The following LRMDA variants were observed in gnomAD, a reference collection of about 807,000 sequenced individuals.
The protein encoded by LRMDA is leucine-rich melanocyte differentiation-associated protein.
A neutral mutation model predicts 29.8 loss-of-function variants in LRMDA; 18 were observed. The observed-to-expected ratio is 0.60, with a 90% CI of 0.42 to 0.90. The LOEUF is 0.90. Ranked by LOEUF, LRMDA falls within the 40% of genes least tolerant of loss-of-function variation. The pLI, the probability that LRMDA is intolerant of heterozygous loss-of-function variation, is 0.00. For synonymous variants in LRMDA, 125 were observed against 109.4 expected (o/e 1.14, Z -0.89); for missense variants, 273 against 273.9 (o/e 1.00, Z 0.02).
At chr10:75,949,506 T>C (rs1846536260) in intron 2 of LRMDA, among the ~76,000 whole-genome samples, 1 of 152,168 alleles carries the variant, frequency 6.6e-6, no homozygotes, top group African/African-American at 2.4e-5. Context: ...TCACGTGGTT[T>C]TCCTAGGCAC....
At chr10:76,189,498 C>T (rs986317624) in intron 5 of LRMDA, among the ~76,000 whole-genome samples, 2 of 152,150 alleles carry the variant, frequency 1.3e-5, no homozygotes, top group Non-Finnish European at 2.9e-5. Flanking sequence ...CACTGATTTT[C>T]ATGCAGTACT....
intron 2 of LRMDA, among the ~76,000 whole-genome samples, chr10:75,599,734 A>T (rs1564519297): frequency 6.6e-6 from 1 of 152,220 alleles, no homozygotes; most frequent in African/African-American, 2.4e-5. Flanking sequence ...GATATCGAGC[A>T]CTTCAAATGT....
At position 75,765,548 on chromosome 10, in the gene LRMDA, T is replaced by C. The variant is rs562642733; in HGVS notation, c.132-270460T>C. ...AAAACTATTGTAAATTCCAAAAAAT[T>C]GGTTTTGAATTTTTTCTAAGGCCTC... On this transcript the variant is annotated intron_variant, in intron 2 of 6. Transcript: ENST00000611255. Among the ~76,000 whole-genome samples the C allele has an allele frequency of 4.6e-5, 7 of 152,168 alleles. No homozygotes were observed. In the South Asian group the frequency reaches 1.0e-3, roughly 23 times the overall value.
intron 2 of LRMDA, among the ~76,000 whole-genome samples, chr10:75,672,583 T>TACCCTACCCTACCCTA (rs1334296370): frequency 2.4e-5 from 1 of 41,986 alleles, no homozygotes; most frequent in African/African-American, 1.9e-4. Flanking sequence ...TCCCTTCCCT[T>TACCCTACCCTACCCTA]CCCTGCTTTT....
chr10:75,962,860 T>C (rs1454581250), intron 2 of LRMDA, among the ~76,000 whole-genome samples: 1 of 152,208 alleles, frequency 6.6e-6, no homozygotes, highest in Admixed American at 6.5e-5. Flanking sequence ...CCCCTGTTTA[T>C]TTCTCTTTCC....
chr10:76,532,663 A>G (rs78005467), intron 6 of LRMDA, among the ~76,000 whole-genome samples: 2,315 of 152,286 alleles, frequency 0.015, 24 homozygotes, highest in African/African-American at 0.037. Flanking sequence ...GTCTTCTAAG[A>G]AGAAATGGCA....
At chr10:75,587,183 A>G (rs1297114741) in intron 2 of LRMDA, among the ~76,000 whole-genome samples, 3 of 152,202 alleles carry the variant, frequency 2.0e-5, no homozygotes, top group Non-Finnish European at 4.4e-5. Context: ...TATTTCATCT[A>G]TAATAAAATC....
At position 76,486,447 on chromosome 10, in the gene LRMDA, C is replaced by A. The variant is rs184103953; in HGVS notation, c.602-70762C>A. Among the ~76,000 whole-genome samples, 16 of 151,966 alleles carry A rather than the reference C, an allele frequency of 1.1e-4. No homozygotes were observed. In the East Asian group the frequency reaches 2.9e-3, roughly 28 times the overall value. ...TTTTGTTTTTTGGCTCTGTGCTGCA[C>A]GTACATAGGTCAAGTTTGATTCTGC... On this transcript the variant is annotated intron_variant, in intron 6 of 6. Coordinates refer to ENST00000611255, the MANE Select transcript of LRMDA (RefSeq NM_001305581.2).
At chr10:75,852,308 A>G (rs1290584747) in intron 2 of LRMDA, among the ~76,000 whole-genome samples, 4 of 152,236 alleles carry the variant, frequency 2.6e-5, no homozygotes, top group African/African-American at 7.2e-5. Flanking sequence ...TGTAATCTGC[A>G]TATATTAGGT....
In LRMDA at chr10:76,547,494, C is replaced by CATTTATTT. The variant is rs148952693; in HGVS notation, c.602-9698_602-9691dup. On this transcript the variant is annotated intron_variant, in intron 6 of 6. Transcript: ENST00000611255. ...ATGGCTCTCCCTGAATAGTTGCCGC[C>CATTTATTT]ATTTATTTATTTATTTATTTATTTT... Among the ~76,000 whole-genome samples, 859 of 151,986 alleles carry CATTTATTT rather than the reference C, an allele frequency of 5.7e-3. 2 individuals are homozygous for CATTTATTT. The highest frequency in any genetic ancestry group is 9.8e-3 in the Non-Finnish European group (667 of 67,974).
At chr10:76,422,100 G>A (rs1268149171) in intron 6 of LRMDA, among the ~76,000 whole-genome samples, 1 of 152,002 alleles carries the variant, frequency 6.6e-6, no homozygotes, top group African/African-American at 2.4e-5. Flanking sequence ...AGTCTGGGAT[G>A]TCTACCTGGA....
chr10:75,665,533 A>G (rs1392413430), intron 2 of LRMDA, among the ~76,000 whole-genome samples: 1 of 152,230 alleles, frequency 6.6e-6, no homozygotes, highest in Non-Finnish European at 1.5e-5. Context: ...AATAAAAAAA[A>G]TGCTTTCAGC....
intron 2 of LRMDA, among the ~76,000 whole-genome samples, chr10:75,985,635 C>T (rs1847250257): frequency 6.6e-6 from 1 of 152,230 alleles, no homozygotes. Flanking sequence ...ACCCACCAAC[C>T]TCAGCAGTCT....
chr10:75,782,814 C>T (rs1411213925), intron 2 of LRMDA: 32 of 1,452,692 alleles, frequency 2.2e-5, no homozygotes, highest in Non-Finnish European at 2.6e-5. Context: ...TGTTGAGAAC[C>T]TTTAGCCAGC....
At chr10:76,364,179 T>A (rs1841362042) in intron 6 of LRMDA, among the ~76,000 whole-genome samples, 1 of 152,170 alleles carries the variant, frequency 6.6e-6, no homozygotes, top group African/African-American at 2.4e-5. Context: ...GTAGTATACA[T>A]AAGGGCCTAG....
At chr10:75,917,048 A>G (rs1233521224) in intron 2 of LRMDA, among the ~76,000 whole-genome samples, 1 of 152,162 alleles carries the variant, frequency 6.6e-6, no homozygotes, top group Non-Finnish European at 1.5e-5. Flanking sequence ...TCTGGTTTCC[A>G]TGGTATTTAC....
intron 6 of LRMDA, among the ~76,000 whole-genome samples, chr10:76,343,415 T>C (rs1841065227): frequency 6.6e-6 from 1 of 152,108 alleles, no homozygotes; most frequent in South Asian, 2.1e-4. Flanking sequence ...AAAAGCAGAG[T>C]AAAACATCAT....
intron 2 of LRMDA, among the ~76,000 whole-genome samples, chr10:75,812,455 C>G (rs1843981985): frequency 6.6e-6 from 1 of 152,044 alleles, no homozygotes. Flanking sequence ...CTCTTTCGAC[C>G]ATAAGTGGGA....
chr10:75,848,075 G>A (rs74777641), intron 2 of LRMDA, among the ~76,000 whole-genome samples: 3,045 of 152,256 alleles, frequency 0.02, 97 homozygotes, highest in African/African-American at 0.07. Context: ...ATATCTGAAA[G>A]AATTCAAAGC....
Sources: allele counts gnomAD v4.1 joint callset (sites outside exome capture counted in the v4.1 genomes callset), GRCh38; gene constraint gnomAD v4.1.1; transcripts MANE v1.5; gene names NCBI Gene and HGNC (gene_info 2026-07-23, HGNC 2026-07-21).